Variants in SACS observed in about 807,000 individuals in gnomAD.
SACS encodes sacsin.
SACS carries 197 observed loss-of-function variants against 348.0 expected under a neutral mutation model. That is an observed-to-expected ratio of 0.57 (90% confidence interval 0.50 to 0.64). SACS has a LOEUF of 0.64. Ranked by LOEUF, SACS falls within the 30% of genes least tolerant of loss-of-function variation. The pLI is 0.00. For synonymous variants in SACS, 1,985 were observed against 1,910.6 expected (o/e 1.04, Z -1.02); for missense variants, 4,999 against 5,360.8 (o/e 0.93, Z 2.11).
chr13:23,333,136 T>C lies in SACS; in HGVS notation c.10740A>G (p.Thr3580=). The change falls in exon 10 of 10, where the codon ACA becomes ACG. Residue 3580 remains threonine (T), a synonymous_variant. Coordinates refer to ENST00000382292, the MANE Select transcript of SACS (RefSeq NM_014363.6). ...TATTTCTTAAGAATTCCACCCAGGATGTCATAAATGTAACATGATTTTTGG... is the reference window on the plus strand; with the variant it reads ...TATTTCTTAAGAATTCCACCCAGGACGTCATAAATGTAACATGATTTTTGG... ...IKPKNHVTFM[T]SWVEFLRNIG... 1.2e-6 allele frequency: 2 copies of C among 1,613,060 alleles called. No individual in the cohort carries two copies. Among genetic ancestry groups the C allele is most frequent in the Non-Finnish European group, 8.5e-7 (1 of 1,179,498 alleles).
intron 1 of SACS, among the ~76,000 whole-genome samples, chr13:23,413,441 AACTTG>A (rs1873576646): frequency 6.6e-6 from 1 of 152,226 alleles, no homozygotes; most frequent in Non-Finnish European, 1.5e-5. Flanking sequence ...TGATATGTTA[AACTTG>A]ATGCACAGGA....
At chr13:23,399,040 TG>T (rs1872841179) in intron 2 of SACS, among the ~76,000 whole-genome samples, 1 of 59,832 alleles carries the variant, frequency 1.7e-5, no homozygotes, top group African/African-American at 4.4e-5. Context: ...AAAAAAAACA[TG>T]GATGCCTGGC....
At chr13:23,421,592 G>A (rs1274739840) in intron 1 of SACS, among the ~76,000 whole-genome samples, 1 of 152,092 alleles carries the variant, frequency 6.6e-6, no homozygotes, top group Non-Finnish European at 1.5e-5. Context: ...CTGTCCACCT[G>A]TGACATTGTG....
Position 23,330,071 on chromosome 13 carries a change from G to C in SACS, c.*65C>G, listed in dbSNP as rs767169259. On this transcript the variant is annotated 3_prime_UTR_variant, in exon 10 of 10. Coordinates refer to ENST00000382292, the MANE Select transcript of SACS (RefSeq NM_014363.6). ...TAGCTAATTGGCAATGAAGCTTAAT[G>C]AAGTACAGCAATTTATTCGTGCTAC... 70 of 1,410,558 alleles carry C rather than the reference G, an allele frequency of 5.0e-5. No homozygotes were observed. The highest frequency in any genetic ancestry group is 6.7e-5 in the Non-Finnish European group (68 of 1,008,206). The allele number at this position is 1,410,558 out of a possible 1,614,324, so 87.4% of individuals were successfully genotyped here.
intron 9 of SACS, among the ~76,000 whole-genome samples, chr13:23,352,128 C>T (rs1268712463): frequency 6.6e-6 from 1 of 152,206 alleles, no homozygotes; most frequent in African/African-American, 2.4e-5. Context: ...ACCTTCTACC[C>T]TTCTCACCTG....
intron 2 of SACS, among the ~76,000 whole-genome samples, chr13:23,376,747 T>G (rs1281760550): frequency 6.6e-6 from 1 of 152,176 alleles, no homozygotes; most frequent in East Asian, 1.9e-4. Flanking sequence ...CAGAAAGCCC[T>G]AAGGGCCAAA....
rs2137583405 is a variant in SACS, at chr13:23,334,366, T to G, written c.9510A>C (p.Arg3170=). ...DSVLQTFDAK[R]PKFLTTYHEL... is the part of the protein sequence containing the mutation. ...CATGATATGTTGTTAGAAACTTGGG[T>G]CGTTTTGCATCAAAAGTTTGCAAAA... is the stretch of plus-strand genomic sequence containing the variant. The change falls in exon 10 of 10, where the codon CGA becomes CGC. Residue 3170 remains arginine (R), a synonymous_variant. Coordinates refer to ENST00000382292, the MANE Select transcript of SACS (RefSeq NM_014363.6). 6.2e-7 allele frequency: 1 copy of G among 1,612,530 alleles called. No homozygotes were observed. The highest frequency in any genetic ancestry group is 8.5e-7 in the Non-Finnish European group (1 of 1,179,212).
At position 23,336,776 on chromosome 13, in the gene SACS, G is replaced by A. The variant is rs752273313; in HGVS notation, c.7100C>T (p.Ala2367Val). 21 of 1,613,620 alleles carry A rather than the reference G, an allele frequency of 1.3e-5. No individual in the cohort carries two copies. Among genetic ancestry groups the A allele is most frequent in the Middle Eastern group, 1.6e-4 (1 of 6,084 alleles). The stretch of plus-strand genomic sequence containing the variant: ...AGGCAACTGATAAAGGTATGGTGCC[G>A]CCTCAAAATTTAAATGAAAAGAAAC... ...EKVSFHLNFE[A>V]APYLYQLPNK... Residue 2367 changes from alanine to valine, a missense_variant, in exon 10 of 10, where the codon GCG becomes GTG. Transcript: ENST00000382292.
chr13:23,389,679 G>A (rs1283774948), intron 2 of SACS, among the ~76,000 whole-genome samples: 2 of 152,232 alleles, frequency 1.3e-5, no homozygotes, highest in Non-Finnish European at 2.9e-5. Context: ...GGGATACGTA[G>A]TACATGATTC....
intron 2 of SACS, among the ~76,000 whole-genome samples, chr13:23,404,078 A>G (rs9552952): frequency 0.39 from 59,918 of 152,040 alleles, 12,521 homozygotes; most frequent in East Asian, 0.55. Flanking sequence ...TTAATCCTAA[A>G]TTCTAATTTG....
chr13:23,372,397 C>A (rs1871451195), intron 3 of SACS, among the ~76,000 whole-genome samples: 1 of 152,188 alleles, frequency 6.6e-6, no homozygotes, highest in African/African-American at 2.4e-5. Context: ...GAGCAACGTG[C>A]CCAGCATCAG....
intron 2 of SACS, among the ~76,000 whole-genome samples, chr13:23,385,012 A>C (rs1872219363): frequency 6.6e-6 from 1 of 152,178 alleles, no homozygotes. Flanking sequence ...CTGTAATCCC[A>C]GGACTTTGGG....
intron 2 of SACS, among the ~76,000 whole-genome samples, chr13:23,381,438 A>G (rs926830663): frequency 2.0e-5 from 3 of 151,812 alleles, no homozygotes; most frequent in Non-Finnish European, 2.9e-5. Flanking sequence ...AAGCGCGCGC[A>G]CACACACACA....
chr13:23,372,481 T>G (rs562429211), intron 3 of SACS, among the ~76,000 whole-genome samples: 1 of 152,338 alleles, frequency 6.6e-6, no homozygotes, highest in South Asian at 2.1e-4. Flanking sequence ...AACATCACTA[T>G]CTAGCAGAGA....
rs575509647 is a variant in SACS, at chr13:23,378,355, G to A, written c.21-3086C>T. ...AAGGAAAAACGTGACTCAGGCCCCC[G>A]GATAGTGGAGGGACACATCTTGAGC... On this transcript the variant is annotated intron_variant, in intron 2 of 9. Coordinates refer to ENST00000382292, the MANE Select transcript of SACS (RefSeq NM_014363.6). Among the ~76,000 whole-genome samples the A allele has an allele frequency of 5.3e-5, 8 of 152,258 alleles. No individual in the cohort carries two copies. The South Asian group carries it at 1.0e-3, about 20-fold the overall frequency.
chr13:23,407,941 CCT>C (rs926106276), intron 2 of SACS, among the ~76,000 whole-genome samples: 1 of 152,082 alleles, frequency 6.6e-6, no homozygotes, highest in Non-Finnish European at 1.5e-5. Context: ...TGACATTCCC[CCT>C]TAGTAATTTT....
chr13:23,367,356 A>G (rs2137793555), intron 5 of SACS, among the ~76,000 whole-genome samples: 1 of 152,202 alleles, frequency 6.6e-6, no homozygotes, highest in South Asian at 2.1e-4. Context: ...ACTCTCTTAA[A>G]TTAAAGAGAC....
At chr13:23,347,490 G>T (rs1869682457) in intron 9 of SACS, among the ~76,000 whole-genome samples, 2 of 152,096 alleles carry the variant, frequency 1.3e-5, no homozygotes, top group South Asian at 4.1e-4. Context: ...AGCTAAGATA[G>T]AGAGCAAAGG....
Position 23,334,960 on chromosome 13 carries a change from T to C in SACS, c.8916A>G (p.Pro2972=). Residue 2972 remains proline (P), a synonymous_variant, in exon 10 of 10, where the codon CCA becomes CCG. Transcript: ENST00000382292. Reference sequence around the variant, plus strand: ...GTGCTTTCACTAGACAATATAAATCTGGCTGTAGATCAAGACGGTTAACTG... The same window carrying C: ...GTGCTTTCACTAGACAATATAAATCCGGCTGTAGATCAAGACGGTTAACTG... The part of the protein sequence containing the change: ...FFPVNRLDLQ[P]DLYCLVKALY... The C allele has an allele frequency of 2.5e-6, 4 of 1,613,948 alleles. No homozygotes were observed. Among genetic ancestry groups the C allele is most frequent in the Non-Finnish European group, 3.4e-6 (4 of 1,179,860 alleles).
Sources: gnomAD v4.1 joint callset for allele counts (sites outside exome capture counted in the v4.1 genomes callset) on GRCh38, gnomAD v4.1.1 for gene constraint, MANE v1.5 for transcripts, NCBI Gene and HGNC (gene_info 2026-07-23, HGNC 2026-07-21) for gene names.